Variants in LOXHD1 observed in about 807,000 individuals in gnomAD.
The protein encoded by LOXHD1 is lipoxygenase homology PLAT domains 1, also known as lipoxygenase homology domain-containing protein 1.
LOXHD1 carries 205 observed loss-of-function variants against 248.2 expected under a neutral mutation model. The observed-to-expected ratio is 0.83, with a 90% CI of 0.74 to 0.93. LOXHD1 has a LOEUF of 0.93. Ranked by LOEUF, LOXHD1 falls within the 40% of genes least tolerant of loss-of-function variation. LOXHD1 has a pLI of 0.00. For synonymous variants in LOXHD1, 1,113 were observed against 1,162.8 expected (o/e 0.96, Z 0.87); for missense variants, 2,930 against 2,971.6 (o/e 0.99, Z 0.33).
chr18:46,529,775 GA>G (rs1346416122), intron 28 of LOXHD1, among the ~76,000 whole-genome samples: 4 of 152,186 alleles, frequency 2.6e-5, no homozygotes. Flanking sequence ...TTCACAGAAA[GA>G]AAATATTTTG....
intron 37 of LOXHD1, among the ~76,000 whole-genome samples, chr18:46,492,288 T>C (rs1048478561): frequency 6.6e-6 from 1 of 152,222 alleles, no homozygotes; most frequent in African/African-American, 2.4e-5. Flanking sequence ...TTTGTTCTCA[T>C]GCTGCTGTGA....
At position 46,477,310 on chromosome 18, in the gene LOXHD1, T is replaced by C. The variant is rs894230611; in HGVS notation, c.*162A>G. The C allele has an allele frequency of 6.4e-6, 6 of 934,890 alleles. No homozygotes were observed. Among genetic ancestry groups the C allele is most frequent in the Non-Finnish European group, 1.0e-5 (6 of 587,288 alleles). The allele number at this position is 934,890 out of a possible 1,614,324, so 57.9% of individuals were successfully genotyped here. The stretch of plus-strand genomic sequence containing the variant: ...CTAATTATTATCACTGTAGGTTCAA[T>C]AAACTGGGGGTAGGGTGGGGAGCAG... On this transcript the variant is annotated 3_prime_UTR_variant, in exon 41 of 41. Coordinates refer to ENST00000642948, the MANE Select transcript of LOXHD1 (RefSeq NM_001384474.1).
At chr18:46,649,664 G>C (rs1036617503) in intron 1 of LOXHD1, among the ~76,000 whole-genome samples, 1 of 152,056 alleles carries the variant, frequency 6.6e-6, no homozygotes, top group Non-Finnish European at 1.5e-5. Context: ...TCTACACAAG[G>C]TGACTGTGGC....
In LOXHD1 at chr18:46,541,860, G is replaced by A. The variant is rs201518726; in HGVS notation, c.3829C>T (p.Arg1277Cys). The A allele has an allele frequency of 7.1e-6, 11 of 1,551,732 alleles. No individual in the cohort carries two copies. Among genetic ancestry groups the A allele is most frequent in the Non-Finnish European group, 9.6e-6 (11 of 1,147,004 alleles). ...LGKCMTFPCG[R>C]WLAKNEDDGS... ...TCGTCTTCGTTTTTGGCCAGCCAGC[G>A]GCCACAGGGAAACGTCATGCACTTC... Residue 1277 changes from arginine to cysteine, a missense_variant, in exon 25 of 41, where the codon CGC becomes TGC. Coordinates refer to ENST00000642948, the MANE Select transcript of LOXHD1 (RefSeq NM_001384474.1).
At chr18:46,534,591 C>A in intron 26 of LOXHD1, 140 bp from the exon 27 acceptor site, 2 of 683,280 alleles carry the variant, frequency 2.9e-6, no homozygotes, top group Non-Finnish European at 2.6e-6. Context: ...TCCAGCCAGG[C>A]CAGCTCCCAT....
At chr18:46,554,608 A>G (rs1370628979) in intron 21 of LOXHD1, among the ~76,000 whole-genome samples, 1 of 152,082 alleles carries the variant, frequency 6.6e-6, no homozygotes, top group African/African-American at 2.4e-5. Flanking sequence ...TAGCAAAGGA[A>G]GCAAAGGACT....
intron 21 of LOXHD1, among the ~76,000 whole-genome samples, chr18:46,551,126 A>T (rs1438373421): frequency 6.7e-6 from 1 of 148,576 alleles, no homozygotes; most frequent in African/African-American, 2.5e-5. Context: ...TTTTTGAGAC[A>T]GAGTCTCGCT....
intron 4 of LOXHD1, among the ~76,000 whole-genome samples, chr18:46,619,674 T>C (rs1285261338): frequency 1.3e-5 from 2 of 152,192 alleles, no homozygotes; most frequent in East Asian, 3.8e-4. Flanking sequence ...AGGAGAAAAC[T>C]TAATTTCATC....
intron 4 of LOXHD1, among the ~76,000 whole-genome samples, chr18:46,631,048 T>C (rs1401865087): frequency 6.6e-6 from 1 of 152,098 alleles, no homozygotes; most frequent in Non-Finnish European, 1.5e-5. Context: ...ATCAGATGTG[T>C]CTATCCATGA....
Position 46,642,162 on chromosome 18 carries a change from G to A in LOXHD1, c.246-126C>T, listed in dbSNP as rs77845904. ...TCCTGGGGAGAGCTATGAGCAACAA[G>A]ATCCCATTCCAAGATTCCCTTCTGA... On this transcript the variant is annotated intron_variant, in intron 2 of 40. Coordinates refer to ENST00000642948, the MANE Select transcript of LOXHD1 (RefSeq NM_001384474.1). The A allele has an allele frequency of 2.9e-3, 2,432 of 842,262 alleles. 18 individuals carry two copies. Among genetic ancestry groups the A allele is most frequent in the Middle Eastern group, 0.011 (39 of 3,700 alleles). The allele number at this position is 842,262 out of a possible 1,614,324, so 52.2% of individuals were successfully genotyped here.
intron 14 of LOXHD1, 95 bp downstream of exon 14, chr18:46,577,612 T>G: frequency 7.1e-7 from 1 of 1,404,298 alleles, no homozygotes; most frequent in Admixed American, 2.2e-5. Flanking sequence ...AGCCACTGTT[T>G]TGCTTGCTGG....
chr18:46,572,809 G>A (rs2037779978), intron 14 of LOXHD1, among the ~76,000 whole-genome samples: 1 of 151,938 alleles, frequency 6.6e-6, no homozygotes, highest in South Asian at 2.1e-4. Flanking sequence ...GGATCACGAG[G>A]TCAGGAGATG....
At position 46,546,988 on chromosome 18, in the gene LOXHD1, G is replaced by C; in HGVS notation, c.3421C>G (p.Pro1141Ala). The C allele has an allele frequency of 6.4e-7, 1 of 1,551,750 alleles. No individual in the cohort carries two copies. The change falls in exon 22 of 41, where the codon CCA becomes GCA. Residue 1141 changes from proline to alanine, a missense_variant. Pro to Ala is a conservative substitution (Grantham distance 27). Transcript: ENST00000642948. ...DDGQLSRELL[P>A]VDESYVLPQS... ...GGCAGCACATAGGACTCATCCACTGGCAACAGCTCCCTGGACAGCTGGCCA... is the reference window on the plus strand; with the variant it reads ...GGCAGCACATAGGACTCATCCACTGCCAACAGCTCCCTGGACAGCTGGCCA...
chr18:46,561,217 G>A (rs115559749), intron 18 of LOXHD1, among the ~76,000 whole-genome samples: 2,509 of 152,158 alleles, frequency 0.016, 72 homozygotes, highest in African/African-American at 0.054. Context: ...CTGTGGTGCC[G>A]GTTTGGCCTG....
intron 4 of LOXHD1, among the ~76,000 whole-genome samples, chr18:46,635,014 C>G (rs548366248): frequency 6.6e-6 from 1 of 152,154 alleles, no homozygotes; most frequent in South Asian, 2.1e-4. Flanking sequence ...GAGGCCCCTT[C>G]CTCTGTGCTA....
intron 5 of LOXHD1, among the ~76,000 whole-genome samples, chr18:46,615,757 C>G (rs1418795582): frequency 1.3e-5 from 2 of 152,164 alleles, no homozygotes; most frequent in Non-Finnish European, 2.9e-5. Context: ...AATTTGTATG[C>G]ATTTGGCCTA....
At chr18:46,595,607 G>A (rs1210131794) in intron 8 of LOXHD1, among the ~76,000 whole-genome samples, 1 of 152,154 alleles carries the variant, frequency 6.6e-6, no homozygotes, top group Non-Finnish European at 1.5e-5. Flanking sequence ...TACTCATCAG[G>A]AAGAACCTCA....
At chr18:46,555,701 A>G (rs973176735) in intron 21 of LOXHD1, among the ~76,000 whole-genome samples, 2 of 151,954 alleles carry the variant, frequency 1.3e-5, no homozygotes, top group African/African-American at 4.8e-5. Flanking sequence ...ATACAAGGGG[A>G]CTTCTCTCCT....
intron 35 of LOXHD1, among the ~76,000 whole-genome samples, chr18:46,509,069 C>T (rs1035144116): frequency 6.6e-6 from 1 of 152,130 alleles, no homozygotes; most frequent in African/African-American, 2.4e-5. Context: ...TATGTGTGTG[C>T]ATATGTGCCC....
Sources: allele counts gnomAD v4.1 joint callset (sites outside exome capture counted in the v4.1 genomes callset), GRCh38; gene constraint gnomAD v4.1.1; transcripts MANE v1.5; gene names NCBI Gene and HGNC (gene_info 2026-07-23, HGNC 2026-07-21).